PDE10A: variants seen among roughly 807,000 people sequenced by gnomAD.
PDE10A encodes the protein phosphodiesterase 10A.
A neutral mutation model predicts 97.7 loss-of-function variants in PDE10A; 39 were observed. The ratio of observed to expected loss-of-function variants is 0.40; its 90% CI spans 0.31 to 0.52. The LOEUF (loss-of-function observed/expected upper bound fraction) is 0.52. Among genes scored for constraint, PDE10A ranks in the 20% least tolerant of loss-of-function variants. The pLI is 0.56. For missense variants in PDE10A, 731 were observed against 1,047.8 expected (o/e 0.70, Z 4.17); for synonymous variants, 371 against 376.8 (o/e 0.98, Z 0.18).
intron 1 of PDE10A, among the ~76,000 whole-genome samples, chr6:165,764,717 T>G (rs1777769047): frequency 6.6e-6 from 1 of 152,010 alleles, no homozygotes; most frequent in Non-Finnish European, 1.5e-5. Context: ...ACCTTCCCGG[T>G]GAGTGTTACA....
chr6:165,706,805 C>T (rs1033254174), intron 1 of PDE10A, among the ~76,000 whole-genome samples: 13 of 152,112 alleles, frequency 8.5e-5, no homozygotes, highest in South Asian at 2.1e-4. Context: ...AACAGATTTA[C>T]GTGGTTTCAT....
intron 18 of PDE10A, among the ~76,000 whole-genome samples, chr6:165,369,409 G>A (rs1348349354): frequency 6.6e-6 from 1 of 151,668 alleles, no homozygotes; most frequent in Non-Finnish European, 1.5e-5. Context: ...TGAAAACCAA[G>A]GCTCAAGAAC....
intron 2 of PDE10A, among the ~76,000 whole-genome samples, chr6:165,508,086 G>T (rs190900377): frequency 9.9e-5 from 15 of 152,140 alleles, no homozygotes; most frequent in Non-Finnish European, 1.8e-4. Flanking sequence ...TTTTATGAAT[G>T]TATACTTGAC....
intron 1 of PDE10A, among the ~76,000 whole-genome samples, chr6:165,615,874 G>A (rs183789140): frequency 2.2e-4 from 34 of 152,098 alleles, no homozygotes; most frequent in Non-Finnish European, 4.0e-4. Context: ...GTTCTGATTG[G>A]GTTTGCAGCA....
intron 1 of PDE10A, among the ~76,000 whole-genome samples, chr6:165,854,571 G>C (rs955823398): frequency 6.6e-6 from 1 of 152,172 alleles, no homozygotes; most frequent in African/African-American, 2.4e-5. Flanking sequence ...GGGCGGCACA[G>C]AGGGAGCCCG....
Position 165,358,111 on chromosome 6 carries a change from G to A in PDE10A, c.2784-14609C>T, listed in dbSNP as rs1473334959. On this transcript the variant is annotated intron_variant, in intron 18 of 21. Coordinates refer to ENST00000539869, the MANE Select transcript of PDE10A (RefSeq NM_001385079.1). ...AAGTATACTGTTTACTTTCCAAATG[G>A]TTGGGGTTTTCCAGATAGCTTATCA... Among the ~76,000 whole-genome samples the A allele has an allele frequency of 2.0e-5, 3 of 152,064 alleles. No homozygotes were observed. The East Asian group carries it at 5.8e-4, about 29-fold the overall frequency.
At chr6:165,461,513 CAATT>C (rs1370480542) in intron 3 of PDE10A, among the ~76,000 whole-genome samples, 1 of 152,188 alleles carries the variant, frequency 6.6e-6, no homozygotes, top group Non-Finnish European at 1.5e-5. Flanking sequence ...TTTGATATGT[CAATT>C]AATGTGATTT....
At chr6:165,441,367 G>A (rs1436564744) in intron 5 of PDE10A, among the ~76,000 whole-genome samples, 1 of 152,072 alleles carries the variant, frequency 6.6e-6, no homozygotes, top group Admixed American at 6.5e-5. Context: ...AAATAATTTT[G>A]TTTTTGTATG....
intron 1 of PDE10A, among the ~76,000 whole-genome samples, chr6:165,706,543 C>T (rs1791714362): frequency 6.6e-6 from 1 of 152,216 alleles, no homozygotes; most frequent in African/African-American, 2.4e-5. Context: ...CCCTTCCTCC[C>T]TAGCCTGCCA....
chr6:165,361,617 A>G (rs1434310266), intron 18 of PDE10A, among the ~76,000 whole-genome samples: 1 of 152,158 alleles, frequency 6.6e-6, no homozygotes, highest in Non-Finnish European at 1.5e-5. Context: ...AGGAAGAGGA[A>G]AGTGATACAA....
At chr6:165,544,730 T>A (rs2128324513) in intron 1 of PDE10A, among the ~76,000 whole-genome samples, 1 of 152,098 alleles carries the variant, frequency 6.6e-6, no homozygotes. Context: ...GGAACTAAAG[T>A]CACAACTGTT....
intron 1 of PDE10A, among the ~76,000 whole-genome samples, chr6:165,685,304 C>G (rs1791085147): frequency 6.6e-6 from 1 of 151,980 alleles, no homozygotes; most frequent in Admixed American, 6.6e-5. Flanking sequence ...ATTTCATCAG[C>G]AGCATAAAAC....
rs561100814 is a variant in PDE10A, at chr6:165,765,337, G to A, written c.-614-221769C>T. Among the ~76,000 whole-genome samples the A allele has an allele frequency of 1.0e-3, 158 of 152,360 alleles. 1 individual carries two copies. The South Asian group carries it at 0.031, about 30-fold the overall frequency. ...GGGACTGGGCGCTGTAGAGCAGGGG[G>A]CGGCGCTCCTCGGGGAGGCTCGGGC... is the stretch of plus-strand genomic sequence containing the variant. On this transcript the variant is annotated intron_variant, in intron 1 of 19. Transcript: ENST00000366882.
intron 1 of PDE10A, among the ~76,000 whole-genome samples, chr6:165,844,664 T>G (rs2128473792): frequency 6.6e-6 from 1 of 152,386 alleles, no homozygotes; most frequent in South Asian, 2.1e-4. Context: ...CCTTATTCAT[T>G]TTGACCTAAT....
intron 1 of PDE10A, among the ~76,000 whole-genome samples, chr6:165,837,826 C>T (rs1723443288): frequency 6.6e-6 from 1 of 152,010 alleles, no homozygotes; most frequent in African/African-American, 2.4e-5. Context: ...GCTGGGACTA[C>T]AGGCGCCCGC....
intron 1 of PDE10A, among the ~76,000 whole-genome samples, chr6:165,771,749 G>T (rs1778017548): frequency 6.6e-6 from 1 of 152,016 alleles, no homozygotes. Flanking sequence ...GTTGGAAGCT[G>T]GATGGCAGGA....
chr6:165,335,565 C>T (rs1781594724), intron 21 of PDE10A, among the ~76,000 whole-genome samples: 1 of 152,120 alleles, frequency 6.6e-6, no homozygotes, highest in African/African-American at 2.4e-5. Flanking sequence ...GGACTGACTC[C>T]ATGTCTCACT....
chr6:165,342,340 C>T (rs1782022486), intron 19 of PDE10A, among the ~76,000 whole-genome samples: 1 of 152,226 alleles, frequency 6.6e-6, no homozygotes, highest in African/African-American at 2.4e-5. Flanking sequence ...AATCAATCTT[C>T]CTACTTGAGT....
At chr6:165,403,005 T>A (rs79318011) in intron 13 of PDE10A, among the ~76,000 whole-genome samples, 9,143 of 152,210 alleles carry the variant, frequency 0.06, 958 homozygotes, top group African/African-American at 0.21. Context: ...GGAACAAATC[T>A]CTTGTCCATC....
Sources: allele counts gnomAD v4.1 joint callset (sites outside exome capture counted in the v4.1 genomes callset), GRCh38; gene constraint gnomAD v4.1.1; transcripts MANE v1.5; gene names NCBI Gene and HGNC (gene_info 2026-07-23, HGNC 2026-07-21).